The following DEFB121 variants were observed in gnomAD, a reference collection of about 807,000 sequenced individuals.
DEFB121 encodes the protein defensin beta 121.
Under a neutral mutation model 2.5 loss-of-function variants are expected in DEFB121, and 5 were observed. That is an observed-to-expected ratio of 1.96 (90% CI 1.03 to 4.13). DEFB121 has a LOEUF of 4.13. DEFB121 is among the 30% of genes most tolerant of loss of function. The pLI is 0.00. For missense variants in DEFB121, 87 were observed against 85.0 expected, an observed-to-expected ratio of 1.02 and a Z score of -0.09; for synonymous variants, 39 against 32.6, an observed-to-expected ratio of 1.20 and a Z score of -0.67.
At chr20:31,410,449 T>A (rs1978626354), upstream of DEFB121, among the ~76,000 whole-genome samples, 1 of 152,014 alleles carries the variant, frequency 6.6e-6, no homozygotes, top group Non-Finnish European at 1.5e-5. Flanking sequence ...ATCATAGGAG[T>A]TAAACATCAT....
At chr20:31,415,406 T>A (rs1180787983), upstream of DEFB121, among the ~76,000 whole-genome samples, 1 of 151,996 alleles carries the variant, frequency 6.6e-6, no homozygotes, top group African/African-American at 2.4e-5. Flanking sequence ...CCAGCCACCA[T>A]GCCTGGCTAA....
the DEFB121 span, among the ~76,000 whole-genome samples, chr20:31,418,021 G>GAAA: frequency 3.2e-4 from 49 of 151,334 alleles, no homozygotes; most frequent in Admixed American, 3.2e-3. Context: ...AGCACTTTGG[G>GAAA]AGGCCGAGGC....
At chr20:31,412,974 G>C, upstream of DEFB121, 1 of 214,124 alleles carries the variant, frequency 4.7e-6, no homozygotes, top group South Asian at 6.7e-5. Flanking sequence ...TCCCTCCCAA[G>C]ATCTCTTCAC....
At chr20:31,415,054 C>A (rs1978767345), upstream of DEFB121, among the ~76,000 whole-genome samples, 1 of 152,072 alleles carries the variant, frequency 6.6e-6, no homozygotes. Context: ...GTGACAGAGT[C>A]AGACCCTGTC....
At chr20:31,417,621 G>A (rs1978843114), upstream of DEFB121, among the ~76,000 whole-genome samples, 1 of 151,864 alleles carries the variant, frequency 6.6e-6, no homozygotes, top group Admixed American at 6.6e-5. Context: ...AGATTGACAG[G>A]GCCCACCGAG....
chr20:31,412,205 G>A (rs1978682219), intron 1 of DEFB121, among the ~76,000 whole-genome samples: 1 of 152,194 alleles, frequency 6.6e-6, no homozygotes, highest in African/African-American at 2.4e-5. Context: ...CCCAAATAAG[G>A]CTTGGAAATT....
chr20:31,414,975 G>A (rs528095310), upstream of DEFB121, among the ~76,000 whole-genome samples: 2 of 152,292 alleles, frequency 1.3e-5, no homozygotes, highest in South Asian at 2.1e-4. Flanking sequence ...TGAGATGGGA[G>A]AGGATCTCTT....
rs761635243 is a variant in DEFB121 at position 31,405,015 on chromosome 20, T to G, written c.129A>C (p.Leu43Phe). Residue 43 changes from leucine (L) to phenylalanine (F), a missense_variant, in exon 2 of 2, where the codon TTA becomes TTC. Physicochemically the swap from Leu to Phe is conservative, Grantham distance 22. Coordinates refer to ENST00000376314, the MANE Select transcript of DEFB121 (RefSeq NM_001011878.3). ...TCKESEVYYI[L>F]CKTEAKCCVD... is the part of the protein sequence containing the mutation. ...CACAGCACTTAGCCTCAGTTTTGCA[T>G]AATATATAGTATACTTCACTTTCTT... The G allele has an allele frequency of 1.2e-6, 2 of 1,613,852 alleles. No individual in the cohort carries two copies. Among genetic ancestry groups the G allele is most frequent in the Non-Finnish European group, 1.7e-6 (2 of 1,179,978 alleles).
chr20:31,409,516 G>T (rs2122355381), upstream of DEFB121, among the ~76,000 whole-genome samples: 1 of 152,258 alleles, frequency 6.6e-6, no homozygotes, highest in East Asian at 1.9e-4. Context: ...CAAGGTGGGT[G>T]GATCATCTGA....
At chr20:31,408,912 G>C (rs963303170), upstream of DEFB121, among the ~76,000 whole-genome samples, 2 of 151,970 alleles carry the variant, frequency 1.3e-5, no homozygotes, top group Admixed American at 1.3e-4. Flanking sequence ...TGTAACCCCA[G>C]CTACTCGGGA....
At chr20:31,408,385 G>A (rs941567588), upstream of DEFB121, among the ~76,000 whole-genome samples, 3 of 152,096 alleles carry the variant, frequency 2.0e-5, no homozygotes, top group Non-Finnish European at 4.4e-5. Flanking sequence ...CCAGGAGGTC[G>A]AAGCTACAAT....
At chr20:31,418,271 A>AAAAAAAG in the DEFB121 span, among the ~76,000 whole-genome samples, 3 of 87,104 alleles carry the variant, frequency 3.4e-5, no homozygotes, top group Non-Finnish European at 7.0e-5. Flanking sequence ...AAAAAAAAAA[A>AAAAAAAG]AAAAAAAAAA....
chr20:31,412,532 G>T (rs1271549114), intron 1 of DEFB121: 3 of 931,692 alleles, frequency 3.2e-6, no homozygotes, highest in Non-Finnish European at 4.5e-6. Context: ...ATTAAATTAG[G>T]TGATGCTTGT....
upstream of DEFB121, among the ~76,000 whole-genome samples, chr20:31,415,758 A>C (rs1978789983): frequency 6.6e-6 from 1 of 152,080 alleles, no homozygotes; most frequent in Non-Finnish European, 1.5e-5. Flanking sequence ...TTGAAGGAGA[A>C]TAGGTTTCAG....
chr20:31,408,694 T>C (rs1978565564), upstream of DEFB121, among the ~76,000 whole-genome samples: 1 of 152,190 alleles, frequency 6.6e-6, no homozygotes, highest in Non-Finnish European at 1.5e-5. Flanking sequence ...TGTATAATTT[T>C]CACATCTCTA....
upstream of DEFB121, among the ~76,000 whole-genome samples, chr20:31,417,303 C>T (rs994690148): frequency 2.5e-4 from 38 of 152,162 alleles, no homozygotes; most frequent in African/African-American, 8.9e-4. Context: ...GGAGGTCACA[C>T]CCCTGCACTC....
At chr20:31,408,746 C>T (rs1978567736), upstream of DEFB121, among the ~76,000 whole-genome samples, 1 of 152,180 alleles carries the variant, frequency 6.6e-6, no homozygotes. Context: ...AATGTACTGG[C>T]TGGGCATGGT....
upstream of DEFB121, among the ~76,000 whole-genome samples, chr20:31,409,003 A>T (rs1978577592): frequency 6.6e-6 from 1 of 151,790 alleles, no homozygotes; most frequent in Admixed American, 6.6e-5. Context: ...TCCAGCCTGA[A>T]CAACAGGAGT....
At chr20:31,410,510 T>C (rs981874237), upstream of DEFB121, among the ~76,000 whole-genome samples, 1 of 152,218 alleles carries the variant, frequency 6.6e-6, no homozygotes, top group Non-Finnish European at 1.5e-5. Context: ...GGGATAAAAG[T>C]TAATAAATCA....
Sources: allele counts gnomAD v4.1 joint callset (sites outside exome capture counted in the v4.1 genomes callset), GRCh38; gene constraint gnomAD v4.1.1; transcripts MANE v1.5; gene names NCBI Gene and HGNC (gene_info 2026-07-23, HGNC 2026-07-21).